Variants in FILIP1L observed in about 807,000 individuals in gnomAD.
The protein encoded by FILIP1L is filamin A interacting protein 1 like.
FILIP1L carries 55 observed loss-of-function variants against 96.6 expected under a neutral mutation model. That is an observed-to-expected ratio of 0.57 (90% CI 0.46 to 0.71). The LOEUF is 0.71. FILIP1L is among the 30% of genes least tolerant of loss of function. The pLI is 0.00. For missense variants in FILIP1L, 1,304 were observed against 1,321.2 expected (o/e 0.99, Z 0.20); for synonymous variants, 467 against 473.9 (o/e 0.99, Z 0.19).
At chr3:100,045,368 T>A (rs959177380) in intron 1 of FILIP1L, among the ~76,000 whole-genome samples, 1 of 152,188 alleles carries the variant, frequency 6.6e-6, no homozygotes, top group Non-Finnish European at 1.5e-5. Flanking sequence ...TTAGCACTAA[T>A]TGACAAAGAG....
chr3:99,898,855 T>C (rs1410891466), intron 4 of FILIP1L: 1 of 152,070 alleles, frequency 6.6e-6, no homozygotes, highest in African/African-American at 2.4e-5. Context: ...CTATTACATA[T>C]GAATACCAGA....
chr3:99,873,859 G>A (rs1705367492), intron 4 of FILIP1L, among the ~76,000 whole-genome samples: 1 of 152,072 alleles, frequency 6.6e-6, no homozygotes, highest in Non-Finnish European at 1.5e-5. Context: ...TAACAGTTAA[G>A]GTTAATCACC....
intron 1 of FILIP1L, among the ~76,000 whole-genome samples, chr3:100,064,936 A>C (rs1457842112): frequency 6.6e-6 from 1 of 152,238 alleles, no homozygotes; most frequent in African/African-American, 2.4e-5. Flanking sequence ...GTTGCTGCCT[A>C]TGCAATGTAT....
At chr3:99,987,027 G>A (rs1207865630) in intron 1 of FILIP1L, among the ~76,000 whole-genome samples, 6 of 149,956 alleles carry the variant, frequency 4.0e-5, no homozygotes, top group South Asian at 2.1e-4. Context: ...CCAGGAGTTC[G>A]AGACCAGCCT....
At chr3:100,008,682 G>A (rs1302639049) in intron 1 of FILIP1L, among the ~76,000 whole-genome samples, 1 of 152,178 alleles carries the variant, frequency 6.6e-6, no homozygotes, top group East Asian at 1.9e-4. Flanking sequence ...ATTCAGCATT[G>A]TACTTCATTG....
chr3:100,054,407 G>A (rs1032149302), intron 1 of FILIP1L, among the ~76,000 whole-genome samples: 1 of 152,124 alleles, frequency 6.6e-6, no homozygotes, highest in Non-Finnish European at 1.5e-5. Flanking sequence ...CTGGGGAGTG[G>A]CTGTCCCGTC....
chr3:99,917,184 C>T lies in FILIP1L; in HGVS notation c.605+7046G>A, dbSNP rs7612089. 4.5e-3 allele frequency among the ~76,000 whole-genome samples: 689 copies of T among 152,266 alleles called. 7 individuals are homozygous for T. The highest frequency in any genetic ancestry group is 0.016 in the African/African-American group (676 of 41,544). ...CTGTATGTCCTGCATTCTCCTAGGG[C>T]TGTGCTGGCTGTTGGATAATTACTG... On this transcript the variant is annotated intron_variant, in intron 4 of 5. Coordinates refer to ENST00000477258, the MANE Select transcript of FILIP1L (RefSeq NM_001387850.1).
chr3:100,107,639 T>G (rs2107469791), intron 1 of FILIP1L, among the ~76,000 whole-genome samples: 1 of 152,276 alleles, frequency 6.6e-6, no homozygotes, highest in African/African-American at 2.4e-5. Context: ...TGGAAATTCC[T>G]TGTTTTAAAA....
At chr3:99,846,161 C>T (rs1393962666) in intron 5 of FILIP1L, among the ~76,000 whole-genome samples, 1 of 152,102 alleles carries the variant, frequency 6.6e-6, no homozygotes, top group Non-Finnish European at 1.5e-5. Context: ...CCCCCCGTCC[C>T]CCACCAGCAC....
In FILIP1L at chr3:99,971,778, C is replaced by T. The variant is rs77601716; in HGVS notation, c.-10-40748G>A. Among the ~76,000 whole-genome samples, 467 of 152,286 alleles carry T rather than the reference C, an allele frequency of 3.1e-3. 4 individuals are homozygous for T. Among genetic ancestry groups the T allele is most frequent in the African/African-American group, 0.011 (441 of 41,558 alleles). On this transcript the variant is annotated intron_variant, in intron 1 of 5. Coordinates refer to ENST00000477258, the MANE Select transcript of FILIP1L (RefSeq NM_001387850.1). ...TGAAAGGAGTCCTCTCCCTGCAACA[C>T]CATTCCCATAAAAGAGAACAGAGTC...
chr3:99,849,494 C>A lies in FILIP1L; in HGVS notation c.2182G>T (p.Glu728Ter). Residue 728 changes from glutamate (E) to a stop codon, truncating the protein, a stop_gained, in exon 5 of 6, where the codon GAA becomes TAA. Transcript: ENST00000477258. LOFTEE classifies it high-confidence loss of function. ...ATTAGGTCTTCAGTTGCCATGTATT[C>A]ATGAATTTTCTCTTTTAATGCATCC... ...EVDALKEKIH[E>*]YMATEDLICH... 6.2e-7 allele frequency: 1 copy of A among 1,613,306 alleles called. No individual in the cohort carries two copies. The highest frequency in any genetic ancestry group is 8.5e-7 in the Non-Finnish European group (1 of 1,179,872).
chr3:100,082,218 G>A (rs2065943678), intron 1 of FILIP1L, among the ~76,000 whole-genome samples: 1 of 152,172 alleles, frequency 6.6e-6, no homozygotes, highest in Admixed American at 6.5e-5. Context: ...ATATCATGAA[G>A]TGTGCTGCAT....
At chr3:99,840,020 T>C (rs550510922) in intron 5 of FILIP1L, among the ~76,000 whole-genome samples, 3 of 152,088 alleles carry the variant, frequency 2.0e-5, no homozygotes, top group Non-Finnish European at 4.4e-5. Flanking sequence ...CTGGAGATAT[T>C]ATTGTCACAG....
chr3:99,830,731 A>G, intron 5 of FILIP1L, 126 bp from the exon 6 acceptor site: 1 of 382,726 alleles, frequency 2.6e-6, no homozygotes, highest in South Asian at 1.9e-5. Context: ...GGGATGTATC[A>G]GATCAAAGAT....
chr3:99,971,073 C>T (rs902266486), intron 1 of FILIP1L, among the ~76,000 whole-genome samples: 1 of 152,152 alleles, frequency 6.6e-6, no homozygotes, highest in Non-Finnish European at 1.5e-5. Context: ...CGTGGTGGCT[C>T]ACGCCTGTAA....
chr3:100,037,468 GCA>G (rs1553707896), intron 1 of FILIP1L, among the ~76,000 whole-genome samples: 6 of 151,528 alleles, frequency 4.0e-5, no homozygotes, highest in Admixed American at 6.6e-5. Context: ...ACACACACAC[GCA>G]CATTGTTATC....
chr3:99,865,739 C>T (rs1168749866), intron 4 of FILIP1L, among the ~76,000 whole-genome samples: 2 of 151,652 alleles, frequency 1.3e-5, no homozygotes, highest in Non-Finnish European at 2.9e-5. Flanking sequence ...TGACAGACTT[C>T]AAGGGCATAA....
chr3:100,023,876 A>G (rs956715856), intron 1 of FILIP1L, among the ~76,000 whole-genome samples: 4 of 152,196 alleles, frequency 2.6e-5, no homozygotes, highest in African/African-American at 9.6e-5. Flanking sequence ...TTACTCATCA[A>G]ATAATTTTAG....
chr3:99,927,224 C>T (rs188026534), intron 3 of FILIP1L, among the ~76,000 whole-genome samples: 1 of 152,284 alleles, frequency 6.6e-6, no homozygotes, highest in East Asian at 1.9e-4. Flanking sequence ...TATTAACTAA[C>T]TAAATGAATA....
Sources: allele counts gnomAD v4.1 joint callset (sites outside exome capture counted in the v4.1 genomes callset), GRCh38; gene constraint gnomAD v4.1.1; transcripts MANE v1.5; gene names NCBI Gene and HGNC (gene_info 2026-07-23, HGNC 2026-07-21).